Variants in RADIL observed in about 807,000 individuals in gnomAD.
RADIL encodes ras-associating and dilute domain-containing protein.
Under a neutral mutation model 97.6 loss-of-function variants are expected in RADIL, and 99 were observed. The ratio of observed to expected loss-of-function variants is 1.01; its 90% CI spans 0.86 to 1.20. The LOEUF (loss-of-function observed/expected upper bound fraction) is 1.20. Ranked by LOEUF, RADIL falls within the 50% of genes most tolerant of loss-of-function variation. RADIL has a pLI of 0.00. For synonymous variants in RADIL, 803 were observed against 691.8 expected (o/e 1.16, Z -2.52); for missense variants, 1,765 against 1,498.9 (o/e 1.18, Z -2.93).
intron 2 of RADIL, chr7:4,865,793 C>A (rs1784118535): frequency 5.6e-6 from 5 of 885,446 alleles, no homozygotes. Context: ...AGGTTTTTCA[C>A]AGGAGCCATG....
intron 9 of RADIL, among the ~76,000 whole-genome samples, chr7:4,807,018 G>A (rs985956300): frequency 2.6e-5 from 4 of 152,106 alleles, no homozygotes; most frequent in African/African-American, 4.8e-5. Context: ...ACCTCAATGC[G>A]TGGCTCTGGA....
intron 9 of RADIL, among the ~76,000 whole-genome samples, chr7:4,812,774 CCT>C (rs1162125109): frequency 6.6e-6 from 1 of 152,150 alleles, no homozygotes; most frequent in Non-Finnish European, 1.5e-5. Flanking sequence ...TTATCTCAAC[CCT>C]GTTTGCTTCC....
intron 2 of RADIL, chr7:4,861,817 G>A (rs1399421880): frequency 7.5e-7 from 1 of 1,328,046 alleles, no homozygotes; most frequent in Admixed American, 3.8e-5. Flanking sequence ...TCATCTTTCA[G>A]CGCCCGCCCC....
chr7:4,837,186 C>T lies in RADIL; in HGVS notation c.536-581G>A, dbSNP rs139095417. Among the ~76,000 whole-genome samples, 5 of 152,296 alleles carry T rather than the reference C, an allele frequency of 3.3e-5. No homozygotes were observed. Among genetic ancestry groups the T allele is most frequent in the Admixed American group, 1.3e-4 (2 of 15,294 alleles). ...TCAAATCCTCAGGCTGAGGGGACCA[C>T]GCCTCCCCTGCAGCAGCCCAGGGTC... On this transcript the variant is annotated intron_variant, in intron 2 of 14. Transcript: ENST00000399583. This position sits in a 1 kb window ranked among gnomAD's most constrained non-coding sequence, Gnocchi z 5.6.
In RADIL at chr7:4,877,878, T is replaced by C; in HGVS notation, c.262A>G (p.Ser88Gly). ...GCCTCCTTCACCAGCTCACGGGCGC[T>C]GGAGGTGCCGGTGGCCAGGACGCTC... Reference protein sequence around the residue: ...YKSVLATGTSSARELVKEALE... With the variant: ...YKSVLATGTSGARELVKEALE... Residue 88 changes from serine to glycine, a missense_variant, in exon 2 of 15, where the codon AGC (serine) becomes GGC (glycine). Ser to Gly is a moderately conservative substitution (Grantham distance 56). Transcript: ENST00000399583. The C allele has an allele frequency of 6.2e-7, 1 of 1,605,580 alleles. No homozygotes were observed. Among genetic ancestry groups the C allele is most frequent in the Non-Finnish European group, 8.5e-7 (1 of 1,179,950 alleles).
chr7:4,825,883 GAAAAAAAAAAAAAAA>G (rs540147941), intron 5 of RADIL, among the ~76,000 whole-genome samples: 6 of 51,026 alleles, frequency 1.2e-4, no homozygotes, highest in African/African-American at 2.9e-4. Context: ...CTCCGTCTCA[GAAAAAAAAAAAAAAA>G]AAAAAAAAAA....
intron 3 of RADIL, 28 bp downstream of exon 3, chr7:4,836,327 CGGG>C: frequency 6.4e-7 from 1 of 1,560,106 alleles, no homozygotes. Context: ...GCAGTGGCAC[CGGG>C]CAGTGGGTGT....
intron 1 of RADIL, among the ~76,000 whole-genome samples, chr7:4,881,477 A>C (rs955889619): frequency 1.3e-5 from 2 of 150,616 alleles, no homozygotes; most frequent in Non-Finnish European, 2.9e-5. Flanking sequence ...CTGTAATCCC[A>C]GCTCTTTGGG....
Position 4,801,987 on chromosome 7 carries a change from G to A in RADIL, c.2508C>T (p.His836=). 1 of 1,530,368 alleles carries A rather than the reference G, an allele frequency of 6.5e-7. No homozygotes were observed. The highest frequency in any genetic ancestry group is 1.3e-5 in the South Asian group (1 of 78,190). 94.8% of individuals were successfully genotyped at this position (1,530,368 alleles called of 1,614,324 possible). ...ASQPVCPEGM[H]HVVLDGHLEA... ...CCAGGTGCCCGTCAAGGACCACGTG[G>A]TGCATACCCTAGGGAGAGGAAGGGT... is the stretch of plus-strand genomic sequence containing the variant. The change falls in exon 12 of 15, where the codon CAC becomes CAT. Residue 836 remains histidine, a synonymous_variant. Coordinates refer to ENST00000399583, the MANE Select transcript of RADIL (RefSeq NM_018059.5).
In RADIL at chr7:4,835,243, A is replaced by C; in HGVS notation, c.784-4T>G. On this transcript the variant is annotated splice_region_variant and splice_polypyrimidine_tract_variant and intron_variant, in intron 3 of 14. Transcript: ENST00000399583. This position sits in a 1 kb window ranked among gnomAD's most constrained non-coding sequence, Gnocchi z 5.8. ...TGAGCACATACACCAGGCTGTCCTG[A>C]AACAGAGACTCCGCTCAGGGCAGGC... The C allele has an allele frequency of 6.2e-7, 1 of 1,608,006 alleles. No individual in the cohort carries two copies. The highest frequency in any genetic ancestry group is 8.5e-7 in the Non-Finnish European group (1 of 1,179,762).
At chr7:4,828,823 G>T (rs1387237579) in intron 5 of RADIL, among the ~76,000 whole-genome samples, 1 of 152,222 alleles carries the variant, frequency 6.6e-6, no homozygotes, top group South Asian at 2.1e-4. Flanking sequence ...GGAACACACA[G>T]CACGAGCGGG....
At chr7:4,862,312 C>A (rs1466201704) in intron 2 of RADIL, among the ~76,000 whole-genome samples, 6 of 152,272 alleles carry the variant, frequency 3.9e-5, no homozygotes. Flanking sequence ...AGCGTGCACC[C>A]TTTGGAAGTC....
chr7:4,859,621 A>C (rs958325926), intron 2 of RADIL: 1 of 400,214 alleles, frequency 2.5e-6, no homozygotes, highest in Admixed American at 4.1e-5. Flanking sequence ...TGAAGACAAC[A>C]GGTTCAGTTG....
Position 4,837,846 on chromosome 7 carries a change from G to A in RADIL, c.536-1241C>T, listed in dbSNP as rs938348768. 11 of 985,382 alleles carry A rather than the reference G, an allele frequency of 1.1e-5. No homozygotes were observed. The East Asian group carries it at 6.8e-4, about 61-fold the overall frequency. 61.0% of individuals were successfully genotyped at this position (985,382 alleles called of 1,614,324 possible). ...CCGCTCACCAGTCCCCAGCTGACCCGGCGCTGTCTTTTCTGAGCCCTCTGC... is the reference window on the plus strand; with the variant it reads ...CCGCTCACCAGTCCCCAGCTGACCCAGCGCTGTCTTTTCTGAGCCCTCTGC... On this transcript the variant is annotated intron_variant, in intron 2 of 14. Coordinates refer to ENST00000399583, the MANE Select transcript of RADIL (RefSeq NM_018059.5). This position sits in a 1 kb window ranked among gnomAD's most constrained non-coding sequence, Gnocchi z 5.6.
At chr7:4,863,662 T>TC (rs1331585460) in intron 2 of RADIL, among the ~76,000 whole-genome samples, 1 of 152,262 alleles carries the variant, frequency 6.6e-6, no homozygotes, top group African/African-American at 2.4e-5. Flanking sequence ...CTTTAGTTTT[T>TC]CCCACCCAAG....
At chr7:4,860,868 G>A in intron 2 of RADIL, 1 of 1,614,054 alleles carries the variant, frequency 6.2e-7, no homozygotes, top group South Asian at 1.1e-5. Flanking sequence ...GTGATGATAG[G>A]CATAAGATGG....
Position 4,799,668 on chromosome 7 carries a change from C to T in RADIL, c.3084G>A (p.Glu1028=), listed in dbSNP as rs942372278. Reference sequence around the variant, plus strand: ...GGCCCAGGAGGCTGCTGCCATTCACCTCCAGGATACGGTCCCCCAGCGACA... The same window carrying T: ...GGCCCAGGAGGCTGCTGCCATTCACTTCCAGGATACGGTCCCCCAGCGACA... ...GRLSLGDRIL[E]VNGSSLLGLG... Residue 1028 remains glutamate (E), a synonymous_variant, in exon 14 of 15, where the codon GAG becomes GAA. Coordinates refer to ENST00000399583, the MANE Select transcript of RADIL (RefSeq NM_018059.5). 6.3e-7 allele frequency: 1 copy of T among 1,596,456 alleles called. No homozygotes were observed. The highest frequency in any genetic ancestry group is 2.3e-5 in the East Asian group (1 of 44,230).
chr7:4,802,223 G>A (rs566279017), intron 11 of RADIL, among the ~76,000 whole-genome samples: 3 of 152,212 alleles, frequency 2.0e-5, no homozygotes, highest in South Asian at 2.1e-4. Context: ...CAGAGCTCCC[G>A]CCTGCTGCCC....
intron 9 of RADIL, among the ~76,000 whole-genome samples, chr7:4,807,992 T>C (rs1782392805): frequency 1.4e-5 from 1 of 72,418 alleles, no homozygotes; most frequent in Non-Finnish European, 2.6e-5. Context: ...TCTCCCTGTC[T>C]CTCTCCCCTC....
Sources: gnomAD v4.1 joint callset for allele counts (sites outside exome capture counted in the v4.1 genomes callset) on GRCh38, gnomAD v4.1.1 for gene constraint, Gnocchi (gnomAD v3.1) non-coding constraint, MANE v1.5 for transcripts, NCBI Gene and HGNC (gene_info 2026-07-23, HGNC 2026-07-21) for gene names.